Variants in BRD1 observed in about 807,000 individuals in gnomAD.
BRD1 encodes bromodomain-containing protein 1.
In BRD1, 24 loss-of-function variants were observed where a neutral mutation model predicts 107.7. The ratio of observed to expected loss-of-function variants is 0.22; its 90% CI spans 0.16 to 0.31. The LOEUF (loss-of-function observed/expected upper bound fraction) is 0.31, where lower values mean the gene tolerates loss of function less well. Among genes scored for constraint, BRD1 ranks in the 10% least tolerant of loss-of-function variants. The pLI is 1.00. For synonymous variants in BRD1, 744 were observed against 686.1 expected (o/e 1.08, Z -1.32); for missense variants, 1,279 against 1,638.6 (o/e 0.78, Z 3.79).
chr22:49,801,760 C>G (rs1295808326), intron 3 of BRD1, among the ~76,000 whole-genome samples: 1 of 152,238 alleles, frequency 6.6e-6, no homozygotes, highest in Non-Finnish European at 1.5e-5. Flanking sequence ...AGCGATGAAG[C>G]AGAGGGGGCC....
chr22:49,790,673 C>T (rs999601819), intron 7 of BRD1, among the ~76,000 whole-genome samples: 1 of 152,236 alleles, frequency 6.6e-6, no homozygotes, highest in East Asian at 1.9e-4. Flanking sequence ...AAAATCACAG[C>T]GTAACACAGG....
intron 10 of BRD1, 54 bp from the exon 11 acceptor site, chr22:49,776,213 C>G: frequency 1.3e-6 from 2 of 1,495,642 alleles, no homozygotes; most frequent in Non-Finnish European, 9.1e-7. Context: ...CGGGGCACGC[C>G]CCGCCCCCCC....
At chr22:49,822,018 C>T (rs539931753) in intron 2 of BRD1, among the ~76,000 whole-genome samples, 363 of 152,384 alleles carry the variant, frequency 2.4e-3, no homozygotes, top group Middle Eastern at 3.4e-3. Context: ...GTGGATGTCC[C>T]GATGCCGGCA....
chr22:49,804,774 C>T (rs545772422), intron 2 of BRD1, among the ~76,000 whole-genome samples: 1 of 152,112 alleles, frequency 6.6e-6, no homozygotes, highest in Non-Finnish European at 1.5e-5. Flanking sequence ...TCGCTTAAAC[C>T]TGGGAGGTGG....
At position 49,797,867 on chromosome 22, in the gene BRD1, G is replaced by C. The variant is rs757789659; in HGVS notation, c.2036C>G (p.Ser679Trp). The C allele has an allele frequency of 1.2e-6, 2 of 1,613,208 alleles. No individual in the cohort carries two copies. Among genetic ancestry groups the C allele is most frequent in the South Asian group, 2.2e-5 (2 of 91,076 alleles). Residue 679 changes from serine (S) to tryptophan (W), a missense_variant, in exon 6 of 13, where the codon TCG (serine) becomes TGG (tryptophan). Physicochemically the swap from Ser to Trp is radical, Grantham distance 177. Around this residue, in one of 7 missense-constraint regions of BRD1, gnomAD observed 406 missense variants for 519.4 expected, o/e 0.78. Coordinates refer to ENST00000404760, the MANE Select transcript of BRD1 (RefSeq NM_001304808.3). ...AGGCCGCTCAGGCAGGTGCATCCCCGAGGCCTCTTCCAAGCCGATGCTGTC... is the reference window on the plus strand; with the variant it reads ...AGGCCGCTCAGGCAGGTGCATCCCCCAGGCCTCTTCCAAGCCGATGCTGTC... ...EVDSIGLEEA[S>W]GMHLPERPAA...
chr22:49,822,809 C>T (rs765332441), intron 2 of BRD1, 142 bp downstream of exon 2: 3 of 957,136 alleles, frequency 3.1e-6, no homozygotes, highest in Non-Finnish European at 4.6e-6. Context: ...ACAAGCAGAA[C>T]CACACTTCAG....
chr22:49,814,937 G>C (rs1055843690), intron 2 of BRD1, among the ~76,000 whole-genome samples: 2 of 152,188 alleles, frequency 1.3e-5, no homozygotes, highest in African/African-American at 2.4e-5. Context: ...TACATGCCTG[G>C]GGTGCTTCAG....
chr22:49,818,365 A>C, intron 2 of BRD1: 7 of 1,227,456 alleles, frequency 5.7e-6, no homozygotes, highest in Non-Finnish European at 7.3e-6. Context: ...GACACTTTCT[A>C]CTTTGCATTC....
In BRD1 at chr22:49,774,177, C is replaced by A. The variant is rs2059035969; in HGVS notation, c.*56G>T. ...AATAAGTTAAGTTTTGAACAATATA[C>A]AAACATGTACAGCTTATCAACACTA... is the stretch of plus-strand genomic sequence containing the variant. On this transcript the variant is annotated 3_prime_UTR_variant, in exon 13 of 13. Coordinates refer to ENST00000404760, the MANE Select transcript of BRD1 (RefSeq NM_001304808.3). 1 of 1,521,472 alleles carries A rather than the reference C, an allele frequency of 6.6e-7. No individual in the cohort carries two copies. The highest frequency in any genetic ancestry group is 8.8e-7 in the Non-Finnish European group (1 of 1,131,352). The allele number at this position is 1,521,472 out of a possible 1,614,324, so 94.2% of individuals were successfully genotyped here.
intron 8 of BRD1, among the ~76,000 whole-genome samples, chr22:49,782,437 G>A (rs2059229386): frequency 6.9e-6 from 1 of 145,744 alleles, no homozygotes; most frequent in Admixed American, 6.8e-5. Context: ...CCAGATGCCT[G>A]CACAAGACTT....
chr22:49,817,716 T>A, intron 2 of BRD1: 1 of 211,738 alleles, frequency 4.7e-6, no homozygotes, highest in East Asian at 1.2e-4. Context: ...ATTCCAGGGG[T>A]CAATGTTTCT....
intron 3 of BRD1, among the ~76,000 whole-genome samples, chr22:49,799,359 G>T (rs2059597805): frequency 6.6e-6 from 1 of 152,154 alleles, no homozygotes; most frequent in Non-Finnish European, 1.5e-5. Context: ...GTGAGCAGGG[G>T]GCTGGCCCCG....
At position 49,799,218 on chromosome 22, in the gene BRD1, A is replaced by C. The variant is rs553140754; in HGVS notation, c.1525-99T>G. 3.4e-6 allele frequency: 5 copies of C among 1,490,484 alleles called. No homozygotes were observed. The East Asian group carries it at 9.1e-5, about 27-fold the overall frequency. The allele number at this position is 1,490,484 out of a possible 1,614,324, so 92.3% of individuals were successfully genotyped here. A position where few individuals can be genotyped will look rare whatever the true frequency, so the allele number is the denominator to read the frequency against. ...TGAGACCCCAAGAGGCATCCACGTCAGGGGTCCTGCAGGCCCATCCTGGGG... is the reference window on the plus strand; with the variant it reads ...TGAGACCCCAAGAGGCATCCACGTCCGGGGTCCTGCAGGCCCATCCTGGGG... On this transcript the variant is annotated intron_variant, in intron 3 of 12. Transcript: ENST00000404760.
rs747768983 is a variant in BRD1 at position 49,775,674 on chromosome 22, G to T, written c.3303C>A (p.Asp1101Glu). 7.4e-6 allele frequency: 12 copies of T among 1,613,784 alleles called. No individual in the cohort carries two copies. The highest frequency in any genetic ancestry group is 1.0e-5 in the Non-Finnish European group (12 of 1,179,864). ...GCATGTGCTCCCCAATCTTCAGCAC[G>T]TCCAGGGGTGGGGCCGGGATGGTGA... ...NGVTIPAPPL[D>E]VLKIGEHMQT... The change falls in exon 12 of 13, where the codon GAC becomes GAA. Residue 1101 changes from aspartate (D) to glutamate (E), a missense_variant. Around this residue, in one of 7 missense-constraint regions of BRD1, gnomAD observed 136 missense variants for 196.8 expected, o/e 0.69. Transcript: ENST00000404760.
chr22:49,787,675 T>C lies in BRD1; in HGVS notation c.2572A>G (p.Ser858Gly). The C allele has an allele frequency of 3.2e-6, 5 of 1,550,634 alleles. No homozygotes were observed. Among genetic ancestry groups the C allele is most frequent in the Non-Finnish European group, 4.4e-6 (5 of 1,146,968 alleles). The change falls in exon 8 of 13, where the codon AGT (serine) becomes GGT (glycine). Residue 858 changes from serine to glycine, a missense_variant. Ser to Gly is a moderately conservative substitution (Grantham distance 56). Transcript: ENST00000404760. ...GCCGCCGCCGGCACATCGCCACTAC[T>C]GGCGCGGGTGGGCTCTGGAGGGCGT... Reference protein sequence around the residue: ...SGRPPEPTRASSGDVPAAAAS... With the variant: ...SGRPPEPTRAGSGDVPAAAAS...
chr22:49,797,797 G>C lies in BRD1; in HGVS notation c.2098+8C>G, dbSNP rs2059562997. The C allele has an allele frequency of 3.2e-6, 5 of 1,586,962 alleles. No homozygotes were observed. The highest frequency in any genetic ancestry group is 3.4e-6 in the Non-Finnish European group (4 of 1,168,132). ...TCCACCTCCTCCGGACACGGCGCCA[G>C]TTCTTACCGTCTTCCCAGGAGAAAG... On this transcript the variant is annotated splice_region_variant and intron_variant, in intron 6 of 12. Coordinates refer to ENST00000404760, the MANE Select transcript of BRD1 (RefSeq NM_001304808.3).
rs1188648973 is a variant in BRD1 at position 49,783,528 on chromosome 22, T to G, written c.2857+3862A>C. Among the ~76,000 whole-genome samples, 1 of 152,088 alleles carries G rather than the reference T, an allele frequency of 6.6e-6. No individual in the cohort carries two copies. Among genetic ancestry groups the G allele is most frequent in the African/African-American group, 2.4e-5 (1 of 41,404 alleles). ...ATGGCCGTCACACCCAAACCACCAGTCACTATGGGACGGCTCCGCACATGC... is the reference window on the plus strand; with the variant it reads ...ATGGCCGTCACACCCAAACCACCAGGCACTATGGGACGGCTCCGCACATGC... On this transcript the variant is annotated intron_variant, in intron 8 of 12. Transcript: ENST00000404760. The surrounding 1 kb of genome is among the most constrained non-coding windows in gnomAD (Gnocchi z 4.2).
At chr22:49,826,820 C>T (rs1601761689) in intron 1 of BRD1, among the ~76,000 whole-genome samples, 1 of 152,234 alleles carries the variant, frequency 6.6e-6, no homozygotes, top group East Asian at 1.9e-4. Context: ...CCCCGCGGGG[C>T]AGGGGGTCCC....
chr22:49,781,358 G>A (rs1188567235), intron 8 of BRD1, among the ~76,000 whole-genome samples: 1 of 152,222 alleles, frequency 6.6e-6, no homozygotes, highest in Non-Finnish European at 1.5e-5. Context: ...CACAGCGGCT[G>A]AGACACCGCC....
Sources: allele counts gnomAD v4.1 joint callset (sites outside exome capture counted in the v4.1 genomes callset), GRCh38; gene constraint gnomAD v4.1.1; regional missense constraint gnomAD v4.1.1; non-coding constraint Gnocchi (gnomAD v3.1); transcripts MANE v1.5; gene names NCBI Gene and HGNC (gene_info 2026-07-23, HGNC 2026-07-21).